HEMK2: variants seen among roughly 807,000 people sequenced by gnomAD.
HEMK2 encodes HemK methyltransferase 2, ETF1 glutamine and histone H4 lysine, also known as methyltransferase HEMK2.
the HEMK2 span, among the ~76,000 whole-genome samples, chr21:28,744,797 A>G: frequency 6.6e-6 from 1 of 152,236 alleles, no homozygotes; most frequent in East Asian, 1.9e-4. Flanking sequence ...ATATAAAACC[A>G]TATGTTAGAA....
chr21:28,648,194 A>C, the HEMK2 span, among the ~76,000 whole-genome samples: 1 of 152,220 alleles, frequency 6.6e-6, no homozygotes, highest in South Asian at 2.1e-4. Flanking sequence ...ATGTTTGGAC[A>C]TTACTAAGAT....
chr21:28,576,546 T>C, the HEMK2 span, among the ~76,000 whole-genome samples: 7 of 152,322 alleles, frequency 4.6e-5, no homozygotes, highest in African/African-American at 1.7e-4. Flanking sequence ...CTTAATGATG[T>C]CTTTCATAAA....
chr21:28,781,867 T>C, the HEMK2 span, among the ~76,000 whole-genome samples: 11 of 152,218 alleles, frequency 7.2e-5, no homozygotes, highest in Admixed American at 7.2e-4. Flanking sequence ...ATAGATTTTC[T>C]GGCCCCAAGG....
the HEMK2 span, among the ~76,000 whole-genome samples, chr21:28,846,003 T>C: frequency 6.6e-6 from 1 of 152,164 alleles, no homozygotes; most frequent in Non-Finnish European, 1.5e-5. Context: ...TGTGTCCATA[T>C]GTACTCAGTG....
chr21:28,874,620 G>A, the HEMK2 span: 5 of 152,238 alleles, frequency 3.3e-5, no homozygotes, highest in African/African-American at 9.7e-5. Context: ...TGGAGAAAGA[G>A]GCCTACTAGT....
chr21:28,640,858 T>A, the HEMK2 span, among the ~76,000 whole-genome samples: 1 of 152,218 alleles, frequency 6.6e-6, no homozygotes, highest in Admixed American at 6.5e-5. Flanking sequence ...CTAACTCTGG[T>A]CTGCCCTGCA....
chr21:28,581,809 A>G, the HEMK2 span, among the ~76,000 whole-genome samples: 1 of 152,232 alleles, frequency 6.6e-6, no homozygotes, highest in African/African-American at 2.4e-5. Context: ...TTTGTTATCC[A>G]GCCAAATTAA....
the HEMK2 span, among the ~76,000 whole-genome samples, chr21:28,614,300 G>GT: frequency 8.3e-4 from 125 of 150,558 alleles, no homozygotes; most frequent in African/African-American, 2.8e-3. Context: ...AATCTGGTGG[G>GT]TTTTTTTTTA....
chr21:28,667,007 C>T, the HEMK2 span, among the ~76,000 whole-genome samples: 1 of 152,092 alleles, frequency 6.6e-6, no homozygotes, highest in Non-Finnish European at 1.5e-5. Flanking sequence ...AACTATGGCT[C>T]AAATGTTGGT....
chr21:28,762,322 T>C, the HEMK2 span, among the ~76,000 whole-genome samples: 18 of 152,232 alleles, frequency 1.2e-4, no homozygotes, highest in East Asian at 3.3e-3. Flanking sequence ...ATTTTTTAAA[T>C]GCCTACAATA....
chr21:28,776,827 T>C, the HEMK2 span, among the ~76,000 whole-genome samples: 5 of 152,172 alleles, frequency 3.3e-5, no homozygotes, highest in African/African-American at 1.2e-4. Context: ...TCAGGCAATC[T>C]AGTCCTTCCA....
the HEMK2 span, among the ~76,000 whole-genome samples, chr21:28,746,656 T>TA: frequency 7.6e-6 from 1 of 131,598 alleles, no homozygotes; most frequent in East Asian, 2.2e-4. Flanking sequence ...GAGTTGCTAT[T>TA]AAAGTAGGGC....
the HEMK2 span, among the ~76,000 whole-genome samples, chr21:28,724,000 C>T: frequency 6.6e-6 from 1 of 152,266 alleles, no homozygotes; most frequent in South Asian, 2.1e-4. Flanking sequence ...AGCAATGATT[C>T]TAAGTATTAA....
At chr21:28,603,491 C>A in the HEMK2 span, among the ~76,000 whole-genome samples, 85 of 151,204 alleles carry the variant, frequency 5.6e-4, no homozygotes, top group Non-Finnish European at 1.8e-4. Flanking sequence ...TAGATAGATA[C>A]AAACTCACTC....
At chr21:28,656,227 G>T in the HEMK2 span, among the ~76,000 whole-genome samples, 1 of 152,034 alleles carries the variant, frequency 6.6e-6, no homozygotes, top group African/African-American at 2.4e-5. Context: ...CACAACCCAA[G>T]AAGTGGACCT....
chr21:28,739,261 CT>C, the HEMK2 span, among the ~76,000 whole-genome samples: 2 of 152,268 alleles, frequency 1.3e-5, no homozygotes, highest in South Asian at 4.1e-4. Flanking sequence ...GAACACAGGT[CT>C]TTCTCTTTTT....
chr21:28,875,502 ACTGGATCTG>A, the HEMK2 span: 102,196 of 154,172 alleles, frequency 0.66, 34,128 homozygotes, highest in South Asian at 0.7. Context: ...CTGAAACACC[ACTGGATCTG>A]CTGGATCATA....
the HEMK2 span, among the ~76,000 whole-genome samples, chr21:28,792,332 T>G: frequency 3.9e-5 from 6 of 152,198 alleles, no homozygotes; most frequent in African/African-American, 1.4e-4. Context: ...CTAATAAACT[T>G]GCTTTCACTT....
the HEMK2 span, among the ~76,000 whole-genome samples, chr21:28,592,649 C>T: frequency 6.6e-6 from 1 of 152,192 alleles, no homozygotes; most frequent in African/African-American, 2.4e-5. Flanking sequence ...GGACTCATTT[C>T]CTGGTCTTTC....
Sources: gnomAD v4.1 joint callset for allele counts (sites outside exome capture counted in the v4.1 genomes callset) on GRCh38, gnomAD v4.1.1 for gene constraint, MANE v1.5 for transcripts, NCBI Gene and HGNC (gene_info 2026-07-23, HGNC 2026-07-21) for gene names.